The following TMEM182 variants were observed in gnomAD, a reference collection of about 807,000 sequenced individuals.
The protein encoded by TMEM182 is transmembrane protein 182.
In TMEM182, 20 loss-of-function variants were observed where a neutral mutation model predicts 26.8. That is an observed-to-expected ratio of 0.75 (90% CI 0.53 to 1.09). The LOEUF (loss-of-function observed/expected upper bound fraction) is 1.09. Among genes scored for constraint, TMEM182 ranks in the 50% least tolerant of loss-of-function variants. The pLI is 0.00. For missense variants in TMEM182, 277 were observed against 275.5 expected (o/e 1.01, Z -0.04); for synonymous variants, 109 against 102.2 (o/e 1.07, Z -0.40).
At chr2:102,779,338 G>T (rs1046067706) in intron 3 of TMEM182, among the ~76,000 whole-genome samples, 4 of 152,078 alleles carry the variant, frequency 2.6e-5, no homozygotes, top group Non-Finnish European at 5.9e-5. Flanking sequence ...ACTTTGCTTA[G>T]CTCCTCAATA....
chr2:102,840,036 T>C (rs1483162047), intron 3 of TMEM182, among the ~76,000 whole-genome samples: 1 of 152,228 alleles, frequency 6.6e-6, no homozygotes, highest in Non-Finnish European at 1.5e-5. Context: ...GAAGTAGCTC[T>C]GAGTGCCTCA....
intron 3 of TMEM182, among the ~76,000 whole-genome samples, chr2:102,781,423 G>T (rs1681161774): frequency 1.3e-5 from 2 of 152,264 alleles, no homozygotes; most frequent in South Asian, 4.2e-4. Context: ...CTTTTGGATT[G>T]CAGAGTCTGG....
At chr2:102,801,309 C>G (rs1236372727) in intron 4 of TMEM182, among the ~76,000 whole-genome samples, 1 of 152,138 alleles carries the variant, frequency 6.6e-6, no homozygotes, top group African/African-American at 2.4e-5. Context: ...TGCACTCAGA[C>G]CCAGTGGATT....
intron 3 of TMEM182, among the ~76,000 whole-genome samples, chr2:102,786,307 T>A (rs2732866): frequency 2.7e-5 from 4 of 148,020 alleles, no homozygotes; most frequent in African/African-American, 1.0e-4. Context: ...CTCTGCCACC[T>A]GGGTTCAAGT....
intron 3 of TMEM182, among the ~76,000 whole-genome samples, chr2:102,768,996 C>T (rs748428289): frequency 1.6e-4 from 25 of 152,102 alleles, no homozygotes; most frequent in Non-Finnish European, 2.8e-4. Flanking sequence ...CACAATGATG[C>T]TGCCAGGAAC....
rs1323864691 is a variant in TMEM182 at position 102,814,847 on chromosome 2, A to T, written c.569A>T (p.Asp190Val). 1.9e-6 allele frequency: 3 copies of T among 1,613,578 alleles called. No individual in the cohort carries two copies. Among genetic ancestry groups the T allele is most frequent in the African/African-American group, 2.7e-5 (2 of 74,800 alleles). Residue 190 changes from aspartate (D) to valine (V), a missense_variant, in exon 5 of 5, where the codon GAT (aspartate) becomes GTT (valine). Physicochemically the swap from Asp to Val is radical, Grantham distance 152 (BLOSUM62 -3). Coordinates refer to ENST00000412401, the MANE Select transcript of TMEM182 (RefSeq NM_144632.5). ...YRNMKMKDCL[D>V]FTPSVLYGWS... The stretch of plus-strand genomic sequence containing the variant: ...AACATGAAAATGAAGGACTGCCTGG[A>T]TTTCACCCCTTCTGTTCTGTATGGC...
intron 3 of TMEM182, among the ~76,000 whole-genome samples, chr2:102,839,309 A>G (rs1459408891): frequency 6.6e-6 from 1 of 152,098 alleles, no homozygotes; most frequent in African/African-American, 2.4e-5. Context: ...AGCAATTTGC[A>G]CATCTGGATT....
At chr2:102,812,387 A>ACACAC (rs1265017004) in intron 4 of TMEM182, among the ~76,000 whole-genome samples, 4 of 5,658 alleles carry the variant, frequency 7.1e-4, no homozygotes, top group African/African-American at 1.1e-3. Context: ...ACACATGTAC[A>ACACAC]CACACACACA....
intron 3 of TMEM182, among the ~76,000 whole-genome samples, chr2:102,783,741 C>A (rs144015639): frequency 4.6e-5 from 7 of 152,198 alleles, no homozygotes; most frequent in African/African-American, 1.7e-4. Context: ...ATGATCATGC[C>A]TGTGAACAGC....
chr2:102,795,966 G>T (rs2540281), intron 3 of TMEM182, among the ~76,000 whole-genome samples: 81,871 of 151,824 alleles, frequency 0.54, 22,647 homozygotes, highest in African/African-American at 0.65. Flanking sequence ...TATCTAGAGG[G>T]TTGGGTCATC....
chr2:102,825,691 C>T (rs1221016713), intron 3 of TMEM182, among the ~76,000 whole-genome samples: 1 of 152,184 alleles, frequency 6.6e-6, no homozygotes, highest in Non-Finnish European at 1.5e-5. Flanking sequence ...AATGTGCTCC[C>T]TAAATTGCCA....
intron 3 of TMEM182, among the ~76,000 whole-genome samples, chr2:102,791,932 T>C (rs1396639251): frequency 6.6e-6 from 1 of 151,678 alleles, no homozygotes; most frequent in Non-Finnish European, 1.5e-5. Flanking sequence ...ATCTAAGAGA[T>C]TGAAACAATA....
downstream of TMEM182, among the ~76,000 whole-genome samples, chr2:102,822,205 A>G (rs144533888): frequency 6.6e-6 from 1 of 152,122 alleles, no homozygotes; most frequent in African/African-American, 2.4e-5. Flanking sequence ...CACACTGGGG[A>G]GTCACAACAT....
chr2:102,768,568 GTGCACATC>G (rs1265023431), intron 3 of TMEM182, among the ~76,000 whole-genome samples: 1 of 151,664 alleles, frequency 6.6e-6, no homozygotes, highest in Non-Finnish European at 1.5e-5. Context: ...AGGAGGGGTG[GTGCACATC>G]TGCAATCCCA....
chr2:102,767,959 C>G (rs1287069125), intron 3 of TMEM182, among the ~76,000 whole-genome samples: 1 of 152,098 alleles, frequency 6.6e-6, no homozygotes, highest in Non-Finnish European at 1.5e-5. Context: ...TCCCCAAATG[C>G]TGTTCCTCTC....
upstream of TMEM182, among the ~76,000 whole-genome samples, chr2:102,761,333 G>T (rs1330469668): frequency 6.6e-6 from 1 of 152,162 alleles, no homozygotes; most frequent in Admixed American, 6.5e-5. Flanking sequence ...AGTCGATCAG[G>T]TTATTTCATC....
upstream of TMEM182, among the ~76,000 whole-genome samples, chr2:102,757,142 G>C (rs1056334349): frequency 6.6e-6 from 1 of 152,120 alleles, no homozygotes; most frequent in Admixed American, 6.5e-5. Context: ...CAAGGAGGGA[G>C]AGTAGAGTAT....
chr2:102,773,569 G>A lies in TMEM182; in HGVS notation c.331+9142G>A, dbSNP rs1481351680. 4.0e-5 allele frequency among the ~76,000 whole-genome samples: 6 copies of A among 151,678 alleles called. No individual in the cohort carries two copies. In the Admixed American group the frequency reaches 4.0e-4, roughly 10 times the overall value. ...GGACAGCTGGCAAAGAGCAAGTGAG[G>A]GGAGCTTAGAAGACGTGGTCACAGA... is the stretch of plus-strand genomic sequence containing the variant. On this transcript the variant is annotated intron_variant, in intron 3 of 4. Transcript: ENST00000412401.
chr2:102,767,182 C>T (rs1365927298), intron 3 of TMEM182, among the ~76,000 whole-genome samples: 1 of 152,150 alleles, frequency 6.6e-6, no homozygotes, highest in African/African-American at 2.4e-5. Context: ...CTCTTTCTAC[C>T]TTTATATTCA....
Sources: allele counts gnomAD v4.1 joint callset (sites outside exome capture counted in the v4.1 genomes callset), GRCh38; gene constraint gnomAD v4.1.1; transcripts MANE v1.5; gene names NCBI Gene and HGNC (gene_info 2026-07-23, HGNC 2026-07-21).